The following NTMT2 variants were observed in gnomAD, a reference collection of about 807,000 sequenced individuals.
NTMT2 encodes the protein X-Pro-Lys N-terminal protein methyltransferase 1B.
A neutral mutation model predicts 23.4 loss-of-function variants in NTMT2; 21 were observed. The ratio of observed to expected loss-of-function variants is 0.90; its 90% CI spans 0.64 to 1.29. The LOEUF is 1.29. Among genes scored for constraint, NTMT2 ranks in the 50% most tolerant of loss-of-function variants. The probability of loss-of-function intolerance (pLI) is 0.00; values close to 1 mark genes in which losing one functional copy is unlikely to be tolerated. For synonymous variants in NTMT2, 131 were observed against 127.7 expected, an observed-to-expected ratio of 1.03 and a Z score of -0.17; for missense variants, 336 against 352.0, an observed-to-expected ratio of 0.95 and a Z score of 0.36.
intron 1 of NTMT2, among the ~76,000 whole-genome samples, chr1:170,146,465 T>C (rs1206355710): frequency 2.0e-5 from 3 of 152,054 alleles, no homozygotes. Flanking sequence ...GAGTCAGGAC[T>C]TTATTTTGGG....
intron 2 of NTMT2, among the ~76,000 whole-genome samples, chr1:170,166,138 T>TC (rs1238487847): frequency 6.3e-4 from 64 of 102,090 alleles, no homozygotes; most frequent in South Asian, 1.3e-3. Context: ...TTTTTTTTTT[T>TC]TCTTTTTTTT....
At chr1:170,162,898 T>C (rs1005556711) in intron 2 of NTMT2, among the ~76,000 whole-genome samples, 1 of 152,146 alleles carries the variant, frequency 6.6e-6, no homozygotes, top group Non-Finnish European at 1.5e-5. Flanking sequence ...ATTTACTTTT[T>C]TGGTGGACCA....
chr1:170,155,845 T>C (rs546216218), intron 1 of NTMT2, among the ~76,000 whole-genome samples: 2 of 152,212 alleles, frequency 1.3e-5, no homozygotes, highest in South Asian at 2.1e-4. Flanking sequence ...CTGTCTCTGA[T>C]ACTAGATCAA....
intron 1 of NTMT2, among the ~76,000 whole-genome samples, chr1:170,154,624 C>A (rs369494717): frequency 6.6e-6 from 1 of 152,148 alleles, no homozygotes; most frequent in Non-Finnish European, 1.5e-5. Flanking sequence ...TTACCCAATA[C>A]CTGTATCCCC....
At chr1:170,160,891 C>G (rs992844183) in intron 2 of NTMT2, among the ~76,000 whole-genome samples, 198 bp downstream of exon 2, 1 of 152,218 alleles carries the variant, frequency 6.6e-6, no homozygotes, top group African/African-American at 2.4e-5. Context: ...CTGTCTTACC[C>G]TCCCACTTGG....
At chr1:170,163,758 A>G (rs1442539852) in intron 2 of NTMT2, among the ~76,000 whole-genome samples, 1 of 152,230 alleles carries the variant, frequency 6.6e-6, no homozygotes, top group Non-Finnish European at 1.5e-5. Context: ...GGCAGAATCA[A>G]AACTAAACTG....
At chr1:170,162,099 A>C (rs1285061583) in intron 2 of NTMT2, among the ~76,000 whole-genome samples, 1 of 152,186 alleles carries the variant, frequency 6.6e-6, no homozygotes, top group African/African-American at 2.4e-5. Flanking sequence ...CAAACAAACG[A>C]ACACACAAAC....
chr1:170,146,269 A>T lies in NTMT2; in HGVS notation c.154+8A>T. On this transcript the variant is annotated splice_region_variant and intron_variant, in intron 1 of 3. Coordinates refer to ENST00000439373, the MANE Select transcript of NTMT2 (RefSeq NM_001136107.2). ...TGGAAAAAATTCCCCTGGGTAAGTG[A>T]GTCAGAGCTACTAGATAAGAAACAA... 1 of 1,549,082 alleles carries T rather than the reference A, an allele frequency of 6.5e-7. No individual in the cohort carries two copies. Among genetic ancestry groups the T allele is most frequent in the African/African-American group, 1.4e-5 (1 of 72,472 alleles).
intron 1 of NTMT2, among the ~76,000 whole-genome samples, chr1:170,160,197 G>A (rs563585902): frequency 6.6e-6 from 1 of 152,280 alleles, no homozygotes; most frequent in South Asian, 2.1e-4. Flanking sequence ...CATTATTGTA[G>A]CTAACACTGT....
intron 1 of NTMT2, among the ~76,000 whole-genome samples, chr1:170,146,724 CACTT>C (rs1002732380): frequency 1.4e-4 from 22 of 152,288 alleles, no homozygotes; most frequent in Admixed American, 1.0e-3. Flanking sequence ...CTTGTGTACA[CACTT>C]ACAATCCTCT....
chr1:170,149,616 T>G (rs1673029054), intron 1 of NTMT2, among the ~76,000 whole-genome samples: 1 of 152,214 alleles, frequency 6.6e-6, no homozygotes, highest in Admixed American at 6.5e-5. Flanking sequence ...AATAATTAAT[T>G]GCAGATCAGC....
At chr1:170,150,783 T>C (rs760967298) in intron 1 of NTMT2, among the ~76,000 whole-genome samples, 3 of 152,140 alleles carry the variant, frequency 2.0e-5, no homozygotes, top group Non-Finnish European at 4.4e-5. Context: ...AAGCTTGGTG[T>C]GAACAAATTT....
rs1013039782 is a variant in NTMT2 at position 170,158,343 on chromosome 1, C to A, written c.155-2175C>A. ...AATAATTTTTAGTGTAAGTATTTAC[C>A]CTGGAATGTGCAATATTTCAGGCAT... On this transcript the variant is annotated intron_variant, in intron 1 of 3. Transcript: ENST00000439373. 4.6e-5 allele frequency among the ~76,000 whole-genome samples: 7 copies of A among 151,646 alleles called. No individual in the cohort carries two copies. The East Asian group carries it at 1.2e-3, about 25-fold the overall frequency.
Position 170,167,848 on chromosome 1 carries a change from G to A in NTMT2, c.*91G>A. The A allele has an allele frequency of 1.5e-6, 2 of 1,368,054 alleles. No homozygotes were observed. Among genetic ancestry groups the A allele is most frequent in the Non-Finnish European group, 2.0e-6 (2 of 1,023,900 alleles). 84.7% of individuals were successfully genotyped at this position (1,368,054 alleles called of 1,614,324 possible). A position where few individuals can be genotyped will look rare whatever the true frequency, so the allele number is the denominator to read the frequency against. On this transcript the variant is annotated 3_prime_UTR_variant, in exon 4 of 4. Coordinates refer to ENST00000439373, the MANE Select transcript of NTMT2 (RefSeq NM_001136107.2). ...AGGTGCCCCTTGTAATGCAGATAGG[G>A]ATGGCAAGAAAAGGGATACAACATA...
intron 2 of NTMT2, among the ~76,000 whole-genome samples, chr1:170,164,726 A>G (rs1673338898): frequency 6.6e-6 from 1 of 152,220 alleles, no homozygotes; most frequent in African/African-American, 2.4e-5. Context: ...CAGAGGTGAC[A>G]TCCCTAATGG....
chr1:170,153,848 A>G (rs1008308088), intron 1 of NTMT2, among the ~76,000 whole-genome samples: 1 of 152,122 alleles, frequency 6.6e-6, no homozygotes, highest in Non-Finnish European at 1.5e-5. Context: ...ACCACTTGCT[A>G]GAGAGATTTG....
rs78263475 is a variant in NTMT2 at position 170,148,314 on chromosome 1, A to ATT, written c.154+2064_154+2065dup. Among the ~76,000 whole-genome samples, 41 of 143,718 alleles carry ATT rather than the reference A, an allele frequency of 2.9e-4. No homozygotes were observed. The Middle Eastern group carries it at 0.01, about 37-fold the overall frequency. The allele number at this position is 143,718 out of a possible 152,430, so 94.3% of individuals were successfully genotyped here. On this transcript the variant is annotated intron_variant, in intron 1 of 3. Coordinates refer to ENST00000439373, the MANE Select transcript of NTMT2 (RefSeq NM_001136107.2). ...CAGTCCCCCGCTACCATGCCCGGCTATTTTTTTTTTTTATTTTTAGTAGAG... is the reference window on the plus strand; with the variant it reads ...CAGTCCCCCGCTACCATGCCCGGCTATTTTTTTTTTTTTTATTTTTAGTAGAG...
intron 1 of NTMT2, among the ~76,000 whole-genome samples, chr1:170,150,197 C>G (rs1048111973): frequency 3.3e-5 from 5 of 152,186 alleles, no homozygotes; most frequent in African/African-American, 1.2e-4. Flanking sequence ...GATTAGGCAG[C>G]AGTCTCACTC....
At position 170,157,329 on chromosome 1, in the gene NTMT2, T is replaced by A. The variant is rs549973450; in HGVS notation, c.155-3189T>A. ...TGTATTTATTTAAACTTTTAAAAGA[T>A]TTATATTTTTAAAATAACAATCTAT... On this transcript the variant is annotated intron_variant, in intron 1 of 3. Transcript: ENST00000439373. Among the ~76,000 whole-genome samples, 9 of 152,256 alleles carry A rather than the reference T, an allele frequency of 5.9e-5. No homozygotes were observed. In the South Asian group the frequency reaches 1.9e-3, roughly 32 times the overall value.
Sources: allele counts gnomAD v4.1 joint callset (sites outside exome capture counted in the v4.1 genomes callset), GRCh38; gene constraint gnomAD v4.1.1; transcripts MANE v1.5; gene names NCBI Gene and HGNC (gene_info 2026-07-23, HGNC 2026-07-21).